The following ZDHHC3 variants were observed in gnomAD, a reference collection of about 807,000 sequenced individuals.
ZDHHC3 encodes the protein palmitoyltransferase ZDHHC3.
In ZDHHC3, 9 loss-of-function variants were observed where a neutral mutation model predicts 30.6. The ratio of observed to expected loss-of-function variants is 0.29; its 90% CI spans 0.18 to 0.51. The LOEUF (loss-of-function observed/expected upper bound fraction) is 0.51, where lower values mean the gene tolerates loss of function less well. Among genes scored for constraint, ZDHHC3 ranks in the 20% least tolerant of loss-of-function variants. The pLI, the probability that ZDHHC3 is intolerant of heterozygous loss-of-function variation, is 0.97. For synonymous variants in ZDHHC3, 136 were observed against 140.2 expected, an observed-to-expected ratio of 0.97 and a Z score of 0.21; for missense variants, 246 against 384.2, an observed-to-expected ratio of 0.64 and a Z score of 3.01.
At position 44,920,540 on chromosome 3, in the gene ZDHHC3, C is replaced by A; in HGVS notation, c.*6149G>T. On this transcript the variant is annotated 3_prime_UTR_variant, in exon 7 of 7. Transcript: ENST00000424952. ...TGATGATTGGCAGATGGGGAAGAAACAGAAGTTCCAAGAGGCCATGACGGT... is the reference window on the plus strand; with the variant it reads ...TGATGATTGGCAGATGGGGAAGAAAAAGAAGTTCCAAGAGGCCATGACGGT... 2.0e-6 allele frequency: 2 copies of A among 985,310 alleles called. No individual in the cohort carries two copies. The highest frequency in any genetic ancestry group is 2.4e-6 in the Non-Finnish European group (2 of 829,874). The allele number at this position is 985,310 out of a possible 1,614,324, so 61.0% of individuals were successfully genotyped here.
intron 6 of ZDHHC3, among the ~76,000 whole-genome samples, chr3:44,929,016 AG>A (rs1701248905): frequency 6.6e-6 from 1 of 152,328 alleles, no homozygotes; most frequent in South Asian, 2.1e-4. Context: ...TACAGTATAA[AG>A]GAAGACCTGC....
rs1700677113 is a variant in ZDHHC3 at position 44,922,624 on chromosome 3, AG to A, written c.*4064del. On this transcript the variant is annotated 3_prime_UTR_variant, in exon 7 of 7. Transcript: ENST00000424952. The stretch of plus-strand genomic sequence containing the variant: ...AGCACACAAGACCCATATCACCAGC[AG>A]GCATCAGGGACCACCTGAGGGGGGA... 1 of 985,220 alleles carries A rather than the reference AG, an allele frequency of 1.0e-6. No homozygotes were observed. Among genetic ancestry groups the A allele is most frequent in the African/African-American group, 1.7e-5 (1 of 57,198 alleles). 61.0% of individuals were successfully genotyped at this position (985,220 alleles called of 1,614,324 possible).
rs1366568023 is a variant in ZDHHC3 at position 44,918,246 on chromosome 3, G to A, written c.*8443C>T. ...GCATAGCAGTGGCGGGGGGGGGGGC[G>A]GGGTGTCCACGGCATGGGTAAGATG... On this transcript the variant is annotated 3_prime_UTR_variant, in exon 7 of 7. Coordinates refer to ENST00000424952, the MANE Select transcript of ZDHHC3 (RefSeq NM_001135179.2). The A allele has an allele frequency of 6.6e-6, 8 of 1,210,588 alleles. No individual in the cohort carries two copies. Among genetic ancestry groups the A allele is most frequent in the African/African-American group, 1.6e-5 (1 of 63,174 alleles). The allele number at this position is 1,210,588 out of a possible 1,614,324, so 75.0% of individuals were successfully genotyped here.
At position 44,918,886 on chromosome 3, in the gene ZDHHC3, C is replaced by A; in HGVS notation, c.*7803G>T. The A allele has an allele frequency of 1.0e-6, 1 of 986,174 alleles. No homozygotes were observed. Among genetic ancestry groups the A allele is most frequent in the Non-Finnish European group, 1.2e-6 (1 of 830,514 alleles). The allele number at this position is 986,174 out of a possible 1,614,324, so 61.1% of individuals were successfully genotyped here. ...CAGAGGAGGTAAAGACATGGCCAGG[C>A]CAGCTCTCCAGGCCCACAACACCCT... On this transcript the variant is annotated 3_prime_UTR_variant, in exon 7 of 7. Transcript: ENST00000424952.
At chr3:44,953,911 A>T (rs1250892916) in intron 2 of ZDHHC3, among the ~76,000 whole-genome samples, 2 of 152,218 alleles carry the variant, frequency 1.3e-5, no homozygotes, top group Non-Finnish European at 2.9e-5. Context: ...CTCTGGCTGC[A>T]TCCAGCACCT....
intron 3 of ZDHHC3, among the ~76,000 whole-genome samples, chr3:44,937,263 G>A (rs1039040168): frequency 1.3e-5 from 2 of 151,986 alleles, no homozygotes; most frequent in Admixed American, 6.6e-5. Context: ...GGGCAGCATG[G>A]CGAGACCCTG....
chr3:44,948,220 C>T (rs1575865373), intron 2 of ZDHHC3, among the ~76,000 whole-genome samples: 1 of 152,296 alleles, frequency 6.6e-6, no homozygotes, highest in Non-Finnish European at 1.5e-5. Context: ...GCACCCTGGT[C>T]TCCCCAGAGT....
intron 6 of ZDHHC3, 42 bp from the exon 7 acceptor site, chr3:44,926,889 T>G (rs1021468809): frequency 6.4e-7 from 1 of 1,551,986 alleles, no homozygotes; most frequent in Non-Finnish European, 8.7e-7. Context: ...AGCACTGCAT[T>G]GCTGTGGTTT....
chr3:44,932,608 T>A (rs1701591220), intron 5 of ZDHHC3, among the ~76,000 whole-genome samples: 1 of 152,216 alleles, frequency 6.6e-6, no homozygotes, highest in Non-Finnish European at 1.5e-5. Flanking sequence ...GGAAGAATTA[T>A]CTACAATCTT....
Position 44,919,060 on chromosome 3 carries a change from C to CCA in ZDHHC3, c.*7627_*7628dup. ...TCTGTGTATCTAGCACTTTTTCTTCCCACGCCATTTCAGAGATTTAAGATT... is the reference window on the plus strand; with the variant it reads ...TCTGTGTATCTAGCACTTTTTCTTCCCACACGCCATTTCAGAGATTTAAGATT... On this transcript the variant is annotated 3_prime_UTR_variant, in exon 7 of 7. Transcript: ENST00000424952. 1.0e-6 allele frequency: 1 copy of CCA among 985,330 alleles called. No homozygotes were observed. The highest frequency in any genetic ancestry group is 1.7e-5 in the African/African-American group (1 of 57,322). 61.0% of individuals were successfully genotyped at this position (985,330 alleles called of 1,614,324 possible).
intron 5 of ZDHHC3, chr3:44,932,871 G>A (rs376374147): frequency 6.2e-7 from 1 of 1,608,090 alleles, no homozygotes; most frequent in Non-Finnish European, 8.5e-7. Flanking sequence ...GGCACGCTCA[G>A]TCCAGAGGGT....
chr3:44,932,134 T>C (rs140624137), intron 5 of ZDHHC3, among the ~76,000 whole-genome samples: 122 of 152,202 alleles, frequency 8.0e-4, no homozygotes, highest in Non-Finnish European at 1.0e-4. Flanking sequence ...ACATCTGGAG[T>C]AGATCTGGTT....
chr3:44,961,470 C>T (rs1295507672), intron 1 of ZDHHC3, among the ~76,000 whole-genome samples: 1 of 152,184 alleles, frequency 6.6e-6, no homozygotes, highest in African/African-American at 2.4e-5. Flanking sequence ...AATTTTCTAA[C>T]AGAGCAATCC....
At position 44,920,389 on chromosome 3, in the gene ZDHHC3, T is replaced by C; in HGVS notation, c.*6300A>G. 2 of 1,284,220 alleles carry C rather than the reference T, an allele frequency of 1.6e-6. No homozygotes were observed. Among genetic ancestry groups the C allele is most frequent in the South Asian group, 1.2e-5 (1 of 80,890 alleles). The allele number at this position is 1,284,220 out of a possible 1,614,324, so 79.6% of individuals were successfully genotyped here. On this transcript the variant is annotated 3_prime_UTR_variant, in exon 7 of 7. Transcript: ENST00000424952. Reference sequence around the variant, plus strand: ...TAGCACGAGAGCTGGGACATCACCATATGGCAGACCCGGCTACAGAGGAAA... The same window carrying C: ...TAGCACGAGAGCTGGGACATCACCACATGGCAGACCCGGCTACAGAGGAAA...
intron 2 of ZDHHC3, among the ~76,000 whole-genome samples, chr3:44,956,851 G>A (rs150375460): frequency 8.8e-4 from 134 of 152,176 alleles, no homozygotes; most frequent in Non-Finnish European, 1.5e-3. Flanking sequence ...AAGGCTGCCG[G>A]CTGCACTTAG....
At chr3:44,943,145 C>T (rs1312353062) in intron 3 of ZDHHC3, among the ~76,000 whole-genome samples, 1 of 152,180 alleles carries the variant, frequency 6.6e-6, no homozygotes, top group East Asian at 1.9e-4. Context: ...TTGAGGAGGT[C>T]TGCAGATCTC....
intron 1 of ZDHHC3, among the ~76,000 whole-genome samples, chr3:44,966,633 C>A (rs1167648500): frequency 6.6e-6 from 1 of 152,178 alleles, no homozygotes; most frequent in East Asian, 1.9e-4. Flanking sequence ...GCCAGCCCTG[C>A]AACCTCAAAG....
intron 1 of ZDHHC3, among the ~76,000 whole-genome samples, chr3:44,966,719 C>T (rs896848211): frequency 6.6e-6 from 1 of 152,196 alleles, no homozygotes; most frequent in Non-Finnish European, 1.5e-5. Flanking sequence ...ACCTGCACTA[C>T]AATTACCTTT....
At chr3:44,964,546 A>G (rs1704766342) in intron 1 of ZDHHC3, among the ~76,000 whole-genome samples, 1 of 152,204 alleles carries the variant, frequency 6.6e-6, no homozygotes, top group African/African-American at 2.4e-5. Flanking sequence ...CTTCATAATG[A>G]GATGGGATTT....
Sources: allele counts gnomAD v4.1 joint callset (sites outside exome capture counted in the v4.1 genomes callset), GRCh38; gene constraint gnomAD v4.1.1; transcripts MANE v1.5; gene names NCBI Gene and HGNC (gene_info 2026-07-23, HGNC 2026-07-21).